ZBTB20: variants seen among roughly 807,000 people sequenced by gnomAD.
ZBTB20 encodes zinc finger and BTB domain-containing protein 20.
In ZBTB20, 9 loss-of-function variants were observed where a neutral mutation model predicts 56.9. The observed-to-expected ratio is 0.16, with a 90% CI of 0.10 to 0.28. ZBTB20 has a LOEUF of 0.28. ZBTB20 is among the 10% of genes least tolerant of loss of function. ZBTB20 has a pLI of 1.00. For missense variants in ZBTB20, 655 were observed against 1,003.0 expected, an observed-to-expected ratio of 0.65 and a Z score of 4.69; for synonymous variants, 417 against 420.7, an observed-to-expected ratio of 0.99 and a Z score of 0.11.
chr3:114,856,128 G>A (rs1239221203), intron 4 of ZBTB20, among the ~76,000 whole-genome samples: 1 of 152,092 alleles, frequency 6.6e-6, no homozygotes, highest in Admixed American at 6.5e-5. Context: ...TTTAAAATGA[G>A]GGGGTTGATT....
At chr3:114,936,540 T>C (rs953787646) in intron 3 of ZBTB20, among the ~76,000 whole-genome samples, 5 of 152,156 alleles carry the variant, frequency 3.3e-5, no homozygotes, top group South Asian at 2.1e-4. Flanking sequence ...CAAAAAGAAG[T>C]ATTATAATTA....
intron 3 of ZBTB20, among the ~76,000 whole-genome samples, chr3:114,925,067 T>C (rs1007279020): frequency 1.4e-5 from 2 of 144,330 alleles, no homozygotes; most frequent in Non-Finnish European, 3.0e-5. Flanking sequence ...CACTGCAACC[T>C]CTGCCTCCTG....
chr3:114,329,717 A>AC lies in ZBTB20; in HGVS notation c.*9287_*9288insG, dbSNP rs1373120559. The AC allele has an allele frequency of 2.1e-5, 3 of 139,894 alleles. No homozygotes were observed. The highest frequency in any genetic ancestry group is 2.4e-4 in the South Asian group (1 of 4,104). 8.7% of individuals were successfully genotyped at this position (139,894 alleles called of 1,614,324 possible). A position where few individuals can be genotyped will look rare whatever the true frequency, so the allele number is the denominator to read the frequency against. On this transcript the variant is annotated 3_prime_UTR_variant, in exon 12 of 12. Transcript: ENST00000675478. ...TGGTTTTACTTTTTTTGGAAAAAAA[A>AC]AAAAAAAAAAAAAAAAAAAACAACT...
At chr3:115,137,326 A>AGTAT (rs942426165) in intron 1 of ZBTB20, among the ~76,000 whole-genome samples, 3 of 152,090 alleles carry the variant, frequency 2.0e-5, no homozygotes, top group Non-Finnish European at 4.4e-5. Context: ...AGGGTATATG[A>AGTAT]GTATGTATGT....
chr3:115,095,121 A>G (rs1300290594), intron 1 of ZBTB20, among the ~76,000 whole-genome samples: 2 of 152,154 alleles, frequency 1.3e-5, no homozygotes, highest in African/African-American at 4.8e-5. Flanking sequence ...TCAAGAAGGT[A>G]AACATATTAT....
chr3:114,753,297 CCTGT>C, intron 5 of ZBTB20, among the ~76,000 whole-genome samples: 1 of 134,738 alleles, frequency 7.4e-6, no homozygotes, highest in Non-Finnish European at 1.5e-5. Flanking sequence ...TATATGTATA[CCTGT>C]ATATATAATG....
At chr3:114,874,896 G>C (rs1364589162) in intron 4 of ZBTB20, among the ~76,000 whole-genome samples, 1 of 152,108 alleles carries the variant, frequency 6.6e-6, no homozygotes, top group East Asian at 1.9e-4. Context: ...CTTCAAATGA[G>C]TGCCTTCAAA....
At chr3:115,144,626 A>T (rs1218707268) in intron 1 of ZBTB20, among the ~76,000 whole-genome samples, 1 of 152,122 alleles carries the variant, frequency 6.6e-6, no homozygotes, top group Non-Finnish European at 1.5e-5. Context: ...TATTCCATTT[A>T]ATCTCGTATT....
intron 6 of ZBTB20, among the ~76,000 whole-genome samples, chr3:114,640,251 C>T (rs1578114206): frequency 2.6e-5 from 4 of 152,082 alleles, no homozygotes. Flanking sequence ...TGGAAGCTCC[C>T]AACTACCAAG....
chr3:114,789,525 C>A (rs76385895), intron 5 of ZBTB20, among the ~76,000 whole-genome samples: 9,068 of 152,098 alleles, frequency 0.06, 295 homozygotes, highest in Middle Eastern at 0.13. Flanking sequence ...TTAGGAACCT[C>A]TGAGACAAAA....
intron 2 of ZBTB20, among the ~76,000 whole-genome samples, chr3:115,001,419 CA>C (rs1255236708): frequency 6.6e-6 from 1 of 150,872 alleles, no homozygotes; most frequent in African/African-American, 2.4e-5. Context: ...TGACCAATAG[CA>C]GTATTATAAA....
At chr3:114,893,032 A>G (rs752150772) in intron 4 of ZBTB20, among the ~76,000 whole-genome samples, 13 of 152,218 alleles carry the variant, frequency 8.5e-5, no homozygotes, top group Admixed American at 3.3e-4. Context: ...AACATTTCCC[A>G]AATCATTGGG....
At chr3:114,891,509 CTT>C (rs1002987381) in intron 4 of ZBTB20, among the ~76,000 whole-genome samples, 5 of 152,146 alleles carry the variant, frequency 3.3e-5, no homozygotes, top group East Asian at 1.9e-4. Context: ...AGAATTCACT[CTT>C]ATTACTATTG....
intron 2 of ZBTB20, among the ~76,000 whole-genome samples, chr3:115,054,666 A>C (rs931175402): frequency 6.6e-6 from 1 of 152,146 alleles, no homozygotes; most frequent in African/African-American, 2.4e-5. Flanking sequence ...TGCAAGCAAC[A>C]ATTACTTAGA....
At chr3:115,122,371 G>A (rs1049540664) in intron 1 of ZBTB20, among the ~76,000 whole-genome samples, 1 of 151,982 alleles carries the variant, frequency 6.6e-6, no homozygotes, top group African/African-American at 2.4e-5. Flanking sequence ...CCAATGGACA[G>A]CGACCGTCTA....
chr3:114,848,902 T>C (rs1230889667), intron 4 of ZBTB20, among the ~76,000 whole-genome samples: 1 of 152,200 alleles, frequency 6.6e-6, no homozygotes, highest in Non-Finnish European at 1.5e-5. Context: ...AATGTGCTAC[T>C]ATCACAAGAG....
intron 5 of ZBTB20, among the ~76,000 whole-genome samples, chr3:114,792,876 CTTTTTTTTT>C (rs71146337): frequency 1.7e-5 from 2 of 119,688 alleles, no homozygotes; most frequent in Non-Finnish European, 1.8e-5. Flanking sequence ...TTTTCTTTTT[CTTTTTTTTT>C]TTTTTTTTGA....
chr3:114,565,481 T>C (rs771141478), intron 6 of ZBTB20, among the ~76,000 whole-genome samples: 14 of 152,214 alleles, frequency 9.2e-5, no homozygotes, highest in Non-Finnish European at 1.8e-4. Flanking sequence ...TTACAAAATA[T>C]CTGTTCTTGG....
intron 6 of ZBTB20, among the ~76,000 whole-genome samples, chr3:114,627,742 C>T (rs1238911599): frequency 1.3e-5 from 2 of 152,180 alleles, no homozygotes; most frequent in African/African-American, 2.4e-5. Flanking sequence ...CACAAAATAT[C>T]TTATACAACC....
Sources: allele counts gnomAD v4.1 joint callset (sites outside exome capture counted in the v4.1 genomes callset), GRCh38; gene constraint gnomAD v4.1.1; transcripts MANE v1.5; gene names NCBI Gene and HGNC (gene_info 2026-07-23, HGNC 2026-07-21).